The following ERC1 variants were observed in gnomAD, a reference collection of about 807,000 sequenced individuals.
ERC1 encodes RAB6 interacting protein 2.
ERC1 carries 56 observed loss-of-function variants against 132.0 expected under a neutral mutation model. The observed-to-expected ratio is 0.42, with a 90% CI of 0.34 to 0.53. The LOEUF is 0.53. Ranked by LOEUF, ERC1 falls within the 20% of genes least tolerant of loss-of-function variation. The pLI, the probability that ERC1 is intolerant of heterozygous loss-of-function variation, is 0.03. For synonymous variants in ERC1, 478 were observed against 476.1 expected (o/e 1.00, Z -0.05); for missense variants, 1,202 against 1,349.9 (o/e 0.89, Z 1.72).
intron 4 of ERC1, among the ~76,000 whole-genome samples, chr12:1,107,569 G>A (rs181745952): frequency 6.6e-6 from 1 of 152,254 alleles, no homozygotes; most frequent in Admixed American, 6.5e-5. Context: ...CACCCAAATG[G>A]ACTGGAGGAT....
chr12:1,124,513 G>T (rs574404976), intron 7 of ERC1, among the ~76,000 whole-genome samples: 1 of 152,186 alleles, frequency 6.6e-6, no homozygotes, highest in South Asian at 2.1e-4. Flanking sequence ...TGTAACTAAA[G>T]CAGTATTTAG....
At chr12:1,334,443 C>A (rs905248850) in intron 15 of ERC1, among the ~76,000 whole-genome samples, 1 of 152,176 alleles carries the variant, frequency 6.6e-6, no homozygotes, top group Non-Finnish European at 1.5e-5. Context: ...TTTCAATCTT[C>A]TGCATATGGC....
At chr12:1,047,234 A>G (rs546791687) in intron 2 of ERC1, among the ~76,000 whole-genome samples, 6 of 152,304 alleles carry the variant, frequency 3.9e-5, no homozygotes, top group African/African-American at 1.4e-4. Context: ...CTGTTTCTCT[A>G]TCATAAATAT....
intron 13 of ERC1, among the ~76,000 whole-genome samples, chr12:1,254,534 C>T (rs954037605): frequency 4.6e-5 from 7 of 151,642 alleles, no homozygotes; most frequent in South Asian, 2.1e-4. Context: ...TTTTTTTGAG[C>T]CAAAGTCTTA....
At chr12:1,347,724 C>G (rs142360146) in intron 15 of ERC1, among the ~76,000 whole-genome samples, 1 of 152,204 alleles carries the variant, frequency 6.6e-6, no homozygotes, top group Non-Finnish European at 1.5e-5. Flanking sequence ...TTGCTCAAGC[C>G]TGTAATCCCA....
chr12:1,466,239 T>A (rs1319796565), intron 18 of ERC1, among the ~76,000 whole-genome samples: 1 of 152,174 alleles, frequency 6.6e-6, no homozygotes, highest in Non-Finnish European at 1.5e-5. Context: ...TATACATGGC[T>A]GCCTGCTCGC....
intron 18 of ERC1, among the ~76,000 whole-genome samples, chr12:1,445,882 A>C (rs1459600536): frequency 6.6e-6 from 1 of 152,172 alleles, no homozygotes; most frequent in African/African-American, 2.4e-5. Context: ...AAACAAAGTA[A>C]CACAGACAGG....
At chr12:1,294,269 T>A (rs1048937620) in intron 15 of ERC1, among the ~76,000 whole-genome samples, 2 of 152,204 alleles carry the variant, frequency 1.3e-5, no homozygotes, top group African/African-American at 2.4e-5. Flanking sequence ...TTCTTTAAAT[T>A]TTAAACTTAT....
rs147732479 is a variant in ERC1, at chr12:1,080,594, G to A, written c.670-2570G>A. On this transcript the variant is annotated intron_variant, in intron 2 of 18. Coordinates refer to ENST00000360905, the MANE Select transcript of ERC1 (RefSeq NM_178040.4). The stretch of plus-strand genomic sequence containing the variant: ...CCATAGGAGGAGGTAATTGAATCAT[G>A]GGGGCCAGTCTTTCCCATGCTATTC... Among the ~76,000 whole-genome samples the A allele has an allele frequency of 7.4e-3, 1,131 of 152,270 alleles. 14 individuals are homozygous for A. Among genetic ancestry groups the A allele is most frequent in the African/African-American group, 0.026 (1,083 of 41,530 alleles).
chr12:1,241,313 C>T (rs1167380890), intron 13 of ERC1, among the ~76,000 whole-genome samples: 2 of 152,098 alleles, frequency 1.3e-5, no homozygotes, highest in Non-Finnish European at 2.9e-5. Flanking sequence ...ATTTCCGTGT[C>T]AAATTTTAAT....
intron 2 of ERC1, among the ~76,000 whole-genome samples, chr12:1,069,025 A>G (rs1230971342): frequency 6.6e-6 from 1 of 152,202 alleles, no homozygotes; most frequent in Non-Finnish European, 1.5e-5. Context: ...TTAATATTCC[A>G]TAGATGTAAT....
intron 7 of ERC1, among the ~76,000 whole-genome samples, chr12:1,121,757 ATCTCTATCTATCTCTATCTCTATCTATC>A (rs1566013381): frequency 3.9e-3 from 19 of 4,908 alleles, no homozygotes; most frequent in African/African-American, 6.8e-3. Context: ...CTCTATCTCT[ATCTCTATCTATCTCTATCTCTATCTATC>A]TCTATCTCTA....
chr12:1,312,661 A>G (rs1007924030), intron 15 of ERC1, among the ~76,000 whole-genome samples: 4 of 152,288 alleles, frequency 2.6e-5, no homozygotes, highest in African/African-American at 9.6e-5. Flanking sequence ...ACCCGGCCAA[A>G]GCAGTTTTTT....
intron 17 of ERC1, among the ~76,000 whole-genome samples, chr12:1,414,649 G>A (rs192516017): frequency 2.5e-4 from 38 of 152,160 alleles, no homozygotes; most frequent in Middle Eastern, 3.4e-3. Context: ...CTCTCTATCC[G>A]TTTACTGTAA....
intron 18 of ERC1, among the ~76,000 whole-genome samples, chr12:1,446,972 A>T (rs1369762395): frequency 6.7e-6 from 1 of 148,502 alleles, no homozygotes; most frequent in Non-Finnish European, 1.5e-5. Flanking sequence ...GTAAGCTATG[A>T]TTGTGCCACT....
chr12:1,003,974 G>C (rs1399753204), intron 1 of ERC1, among the ~76,000 whole-genome samples: 1 of 152,168 alleles, frequency 6.6e-6, no homozygotes, highest in African/African-American at 2.4e-5. Context: ...AGTTAGGCAG[G>C]GCTGAAGGTT....
At chr12:1,130,439 G>A (rs910086762) in intron 7 of ERC1, among the ~76,000 whole-genome samples, 2 of 152,156 alleles carry the variant, frequency 1.3e-5, no homozygotes, top group Non-Finnish European at 2.9e-5. Flanking sequence ...AAAGTAGGTT[G>A]GCTGACTGCC....
rs1183332475 is a variant in ERC1 at position 1,102,793 on chromosome 12, GAAGTA to G, written c.1087-1953_1087-1949del. The stretch of plus-strand genomic sequence containing the variant: ...TGCTATACACAGGAAAAAGTAGAGC[GAAGTA>G]AAGGGGAAGGACACATGCGTTCTTT... On this transcript the variant is annotated intron_variant, in intron 3 of 18. Coordinates refer to ENST00000360905, the MANE Select transcript of ERC1 (RefSeq NM_178040.4). Among the ~76,000 whole-genome samples, 3 of 152,170 alleles carry G rather than the reference GAAGTA, an allele frequency of 2.0e-5. No individual in the cohort carries two copies. The East Asian group carries it at 5.8e-4, about 29-fold the overall frequency.
intron 18 of ERC1, among the ~76,000 whole-genome samples, chr12:1,447,708 G>T (rs2093338181): frequency 6.6e-6 from 1 of 151,760 alleles, no homozygotes; most frequent in African/African-American, 2.4e-5. Flanking sequence ...GGAGTGCAGT[G>T]GCACGATCTC....
Sources: allele counts gnomAD v4.1 joint callset (sites outside exome capture counted in the v4.1 genomes callset), GRCh38; gene constraint gnomAD v4.1.1; transcripts MANE v1.5; gene names NCBI Gene and HGNC (gene_info 2026-07-23, HGNC 2026-07-21).